ELSPBP1: variants seen among roughly 807,000 people sequenced by gnomAD.
ELSPBP1 encodes the protein epididymal sperm binding protein 1, also known as epididymal sperm-binding protein 1.
ELSPBP1 carries 38 observed loss-of-function variants against 33.3 expected under a neutral mutation model. The ratio of observed to expected loss-of-function variants is 1.14; its 90% CI spans 0.88 to 1.50. The LOEUF is 1.50. ELSPBP1 is among the 40% of genes most tolerant of loss of function. ELSPBP1 has a pLI of 0.00. For synonymous variants in ELSPBP1, 85 were observed against 94.1 expected (o/e 0.90, Z 0.56); for missense variants, 267 against 263.5 (o/e 1.01, Z -0.09).
chr19:47,997,360 G>A (rs1389169241), intron 1 of ELSPBP1, among the ~76,000 whole-genome samples: 1 of 152,080 alleles, frequency 6.6e-6, no homozygotes, highest in Non-Finnish European at 1.5e-5. Flanking sequence ...TTTCATGTGA[G>A]CATATGTGCA....
At chr19:47,999,822 A>AT (rs112563506) in intron 1 of ELSPBP1, among the ~76,000 whole-genome samples, 2,243 of 137,276 alleles carry the variant, frequency 0.016, 35 homozygotes, top group African/African-American at 0.037. Context: ...CACATACGTG[A>AT]TTTTTTTTTT....
chr19:48,015,566 G>A (rs1260475592), intron 3 of ELSPBP1, among the ~76,000 whole-genome samples: 1 of 152,124 alleles, frequency 6.6e-6, no homozygotes, highest in Non-Finnish European at 1.5e-5. Context: ...GCTGAGGCAG[G>A]AGAATTGCTT....
chr19:48,005,515 G>A (rs529386746), intron 1 of ELSPBP1, among the ~76,000 whole-genome samples: 4 of 152,270 alleles, frequency 2.6e-5, no homozygotes, highest in African/African-American at 7.2e-5. Flanking sequence ...AAGTAACATG[G>A]GGGAAGGATA....
chr19:48,014,445 G>T, intron 3 of ELSPBP1, 137 bp downstream of exon 3: 1 of 871,378 alleles, frequency 1.1e-6, no homozygotes, highest in African/African-American at 1.8e-5. Context: ...AAAGGCTCTG[G>T]GTTTTAATGA....
intron 1 of ELSPBP1, among the ~76,000 whole-genome samples, chr19:48,001,169 C>T (rs1568403037): frequency 1.4e-5 from 2 of 145,852 alleles, no homozygotes; most frequent in Non-Finnish European, 3.0e-5. Flanking sequence ...TCCTGCCTCT[C>T]TCTCTGTTTT....
chr19:47,996,163 A>G (rs1390214534), intron 1 of ELSPBP1, among the ~76,000 whole-genome samples: 2 of 152,214 alleles, frequency 1.3e-5, no homozygotes, highest in Non-Finnish European at 2.9e-5. Flanking sequence ...TTGAAGGAAG[A>G]TTAAAGAATG....
intron 2 of ELSPBP1, among the ~76,000 whole-genome samples, chr19:48,012,049 A>T (rs1327173335): frequency 6.6e-6 from 1 of 152,150 alleles, no homozygotes; most frequent in Non-Finnish European, 1.5e-5. Context: ...TTTGGGATAG[A>T]ATAGCATTTC....
chr19:48,013,216 C>T (rs1967095639), intron 2 of ELSPBP1, among the ~76,000 whole-genome samples: 1 of 152,146 alleles, frequency 6.6e-6, no homozygotes, highest in Admixed American at 6.5e-5. Context: ...GTCATTGGCC[C>T]CCCATTTTAT....
intron 2 of ELSPBP1, among the ~76,000 whole-genome samples, chr19:48,013,506 T>C (rs1254030196): frequency 6.6e-6 from 1 of 151,954 alleles, no homozygotes; most frequent in Non-Finnish European, 1.5e-5. Context: ...CACCTGAGGT[T>C]AGGAGTTTGA....
chr19:48,008,890 C>G (rs988764008), intron 2 of ELSPBP1, among the ~76,000 whole-genome samples, 153 bp downstream of exon 2: 1 of 152,108 alleles, frequency 6.6e-6, no homozygotes, highest in African/African-American at 2.4e-5. Flanking sequence ...AATCCCAGCA[C>G]TTTGCAGGGC....
At chr19:48,016,461 TTTCCTTCTTTC>T (rs1363707833) in intron 4 of ELSPBP1, among the ~76,000 whole-genome samples, 3,918 of 41,950 alleles carry the variant, frequency 0.093, 177 homozygotes, top group African/African-American at 0.1. Flanking sequence ...CTTTCTTTTC[TTTCCTTCTTTC>T]TTTCTTTCTT....
intron 3 of ELSPBP1, among the ~76,000 whole-genome samples, chr19:48,015,661 AAAAAG>A (rs368867872): frequency 1.6e-4 from 25 of 152,306 alleles, no homozygotes; most frequent in African/African-American, 5.8e-4. Context: ...CTGTCTCGAA[AAAAAG>A]AAAAGAAAAG....
intron 4 of ELSPBP1, among the ~76,000 whole-genome samples, chr19:48,018,478 A>G (rs1445806901): frequency 2.6e-5 from 4 of 152,196 alleles, no homozygotes; most frequent in Non-Finnish European, 2.9e-5. Context: ...GTGATCTTGG[A>G]CACATTAGAT....
At chr19:48,021,199 G>T (rs558338679) in intron 5 of ELSPBP1, among the ~76,000 whole-genome samples, 1 of 152,242 alleles carries the variant, frequency 6.6e-6, no homozygotes, top group South Asian at 2.1e-4. Context: ...GTGGTCATTT[G>T]TGGACACACA....
chr19:48,004,896 C>T (rs890632341), intron 1 of ELSPBP1, among the ~76,000 whole-genome samples: 4 of 152,188 alleles, frequency 2.6e-5, no homozygotes, highest in African/African-American at 9.7e-5. Context: ...ATGCATAAAG[C>T]ATGCATCAGG....
Position 48,016,015 on chromosome 19 carries a change from C to T in ELSPBP1, c.331C>T (p.Gln111Ter). The T allele has an allele frequency of 1.2e-6, 2 of 1,613,638 alleles. No individual in the cohort carries two copies. The highest frequency in any genetic ancestry group is 1.7e-6 in the Non-Finnish European group (2 of 1,179,896). Residue 111 changes from glutamine to a stop codon, truncating the protein, a stop_gained, in exon 4 of 7, where the codon CAG becomes TAG. Coordinates refer to ENST00000339841, the MANE Select transcript of ELSPBP1 (RefSeq NM_022142.5). LOFTEE classifies it high-confidence loss of function. Reference sequence around the variant, plus strand: ...CACCTCTGTCTTCGATGAGAAACAGCAGTGGAAATTCTGTGAAACGAATGG... The same window carrying T: ...CACCTCTGTCTTCGATGAGAAACAGTAGTGGAAATTCTGTGAAACGAATGG... ...SVTSVFDEKQ[Q>*]WKFCETNEYG...
chr19:48,000,957 C>T (rs1051712068), intron 1 of ELSPBP1, among the ~76,000 whole-genome samples: 1 of 152,202 alleles, frequency 6.6e-6, no homozygotes. Context: ...CACATTTGTT[C>T]TCTTACAGTT....
intron 1 of ELSPBP1, among the ~76,000 whole-genome samples, chr19:47,995,393 G>A (rs1600098155): frequency 6.6e-6 from 1 of 152,216 alleles, no homozygotes; most frequent in East Asian, 1.9e-4. Context: ...AAGAGACTGG[G>A]TGAATTACTT....
At chr19:47,999,849 G>A (rs944657436) in intron 1 of ELSPBP1, among the ~76,000 whole-genome samples, 2 of 150,334 alleles carry the variant, frequency 1.3e-5, no homozygotes, top group African/African-American at 4.9e-5. Context: ...AGGAAATGGG[G>A]TCTCGCTCTG....
Sources: allele counts gnomAD v4.1 joint callset (sites outside exome capture counted in the v4.1 genomes callset), GRCh38; gene constraint gnomAD v4.1.1; transcripts MANE v1.5; gene names NCBI Gene and HGNC (gene_info 2026-07-23, HGNC 2026-07-21).